The following KCNIP4 variants were observed in gnomAD, a reference collection of about 807,000 sequenced individuals.
The protein encoded by KCNIP4 is potassium voltage-gated channel interacting protein 4.
Under a neutral mutation model 34.0 loss-of-function variants are expected in KCNIP4, and 12 were observed. The ratio of observed to expected loss-of-function variants is 0.35; its 90% CI spans 0.23 to 0.57. The LOEUF is 0.57. Ranked by LOEUF, KCNIP4 falls within the 20% of genes least tolerant of loss-of-function variation. KCNIP4 has a pLI of 0.83. For synonymous variants in KCNIP4, 124 were observed against 102.2 expected (o/e 1.21, Z -1.29); for missense variants, 238 against 311.7 (o/e 0.76, Z 1.78).
At chr4:20,851,274 AC>A (rs2149483945) in intron 2 of KCNIP4, among the ~76,000 whole-genome samples, 1 of 152,314 alleles carries the variant, frequency 6.6e-6, no homozygotes, top group African/African-American at 2.4e-5. Flanking sequence ...ACAAGTGAGA[AC>A]ATGCAGTGTT....
At chr4:20,771,175 G>T (rs1004078014) in intron 3 of KCNIP4, among the ~76,000 whole-genome samples, 6 of 152,080 alleles carry the variant, frequency 3.9e-5, no homozygotes, top group African/African-American at 9.7e-5. Flanking sequence ...AGAGATGACT[G>T]CATGGAGATG....
intron 2 of KCNIP4, among the ~76,000 whole-genome samples, chr4:20,852,298 C>CCCACTTG (rs1365499846): frequency 6.6e-6 from 1 of 152,120 alleles, no homozygotes; most frequent in Non-Finnish European, 1.5e-5. Context: ...GGGTTTCAAA[C>CCCACTTG]CAGGAATGCA....
intron 1 of KCNIP4, among the ~76,000 whole-genome samples, chr4:21,103,674 G>T (rs573689622): frequency 2.0e-4 from 30 of 151,226 alleles, no homozygotes; most frequent in Non-Finnish European, 3.8e-4. Flanking sequence ...ATGCTAGTGT[G>T]CTGCACCAAT....
intron 3 of KCNIP4, among the ~76,000 whole-genome samples, chr4:20,761,908 A>C (rs1447730485): frequency 6.6e-6 from 1 of 152,140 alleles, no homozygotes; most frequent in Non-Finnish European, 1.5e-5. Context: ...TTACATCTCT[A>C]CAAACACATA....
intron 3 of KCNIP4, among the ~76,000 whole-genome samples, chr4:20,816,936 C>T (rs962523519): frequency 1.5e-4 from 23 of 152,148 alleles, no homozygotes; most frequent in Admixed American, 1.5e-3. Flanking sequence ...TACTTTTATA[C>T]AGAAACAAAA....
At position 20,783,192 on chromosome 4, in the gene KCNIP4, C is replaced by T. The variant is rs574659371; in HGVS notation, c.289-24302G>A. Among the ~76,000 whole-genome samples, 5 of 152,334 alleles carry T rather than the reference C, an allele frequency of 3.3e-5. No individual in the cohort carries two copies. In the East Asian group the frequency reaches 9.6e-4, roughly 29 times the overall value. On this transcript the variant is annotated intron_variant, in intron 3 of 8. Coordinates refer to ENST00000382152, the MANE Select transcript of KCNIP4 (RefSeq NM_025221.6). ...TTGGGCAAAGCCATTCAACAAGTCT[C>T]TAGGGATCTCCAAACTTTTCCACAT... is the stretch of plus-strand genomic sequence containing the variant.
intron 1 of KCNIP4, among the ~76,000 whole-genome samples, chr4:21,525,354 A>G (rs1341494124): frequency 6.6e-6 from 1 of 152,112 alleles, no homozygotes; most frequent in East Asian, 1.9e-4. Context: ...GTATTCTGTA[A>G]ACACATGTTG....
intron 1 of KCNIP4, among the ~76,000 whole-genome samples, chr4:21,821,933 A>C (rs1456479331): frequency 2.0e-5 from 3 of 152,134 alleles, no homozygotes; most frequent in Non-Finnish European, 4.4e-5. Context: ...ACATTTTTAC[A>C]ATGCTTTTCC....
At chr4:21,209,025 G>C (rs1377332578) in intron 1 of KCNIP4, among the ~76,000 whole-genome samples, 1 of 152,108 alleles carries the variant, frequency 6.6e-6, no homozygotes, top group Non-Finnish European at 1.5e-5. Flanking sequence ...TCCCATCCTT[G>C]ACACTCAGGG....
At chr4:20,786,174 C>T (rs1375164603) in intron 3 of KCNIP4, among the ~76,000 whole-genome samples, 1 of 152,086 alleles carries the variant, frequency 6.6e-6, no homozygotes. Flanking sequence ...GGACATTACC[C>T]TACGTAAACT....
intron 1 of KCNIP4, among the ~76,000 whole-genome samples, chr4:21,704,916 G>A (rs577320154): frequency 1.3e-5 from 2 of 152,138 alleles, no homozygotes; most frequent in Admixed American, 6.6e-5. Flanking sequence ...CCTGTACACG[G>A]ATGCTTATAG....
At chr4:21,621,158 C>T (rs966419789) in intron 1 of KCNIP4, among the ~76,000 whole-genome samples, 1 of 152,108 alleles carries the variant, frequency 6.6e-6, no homozygotes, top group Non-Finnish European at 1.5e-5. Context: ...AGTAGTAATG[C>T]TCCAACCAAA....
chr4:21,769,177 TA>T (rs112769483), intron 1 of KCNIP4, among the ~76,000 whole-genome samples: 22,542 of 151,758 alleles, frequency 0.15, 5,632 homozygotes, highest in African/African-American at 0.51. Context: ...TTAAGTATTT[TA>T]AAAAAAACTA....
intron 1 of KCNIP4, among the ~76,000 whole-genome samples, chr4:21,169,660 T>TTG (rs58544791): frequency 0.15 from 19,766 of 135,326 alleles, 1,517 homozygotes; most frequent in East Asian, 0.36. Context: ...TACTTTATAT[T>TTG]TGTGTGTGTG....
At chr4:21,725,274 C>T (rs1715106945) in intron 1 of KCNIP4, among the ~76,000 whole-genome samples, 1 of 152,160 alleles carries the variant, frequency 6.6e-6, no homozygotes, top group South Asian at 2.1e-4. Context: ...TTTTCTTAGA[C>T]TTCCTGTCAC....
chr4:21,067,354 C>T (rs909464210), intron 1 of KCNIP4, among the ~76,000 whole-genome samples: 2 of 151,886 alleles, frequency 1.3e-5, no homozygotes, highest in African/African-American at 4.8e-5. Flanking sequence ...GGGAGAGTCT[C>T]CTTCTGCCTG....
chr4:21,798,136 A>T (rs552742587), intron 1 of KCNIP4, among the ~76,000 whole-genome samples: 1 of 151,882 alleles, frequency 6.6e-6, no homozygotes, highest in East Asian at 1.9e-4. Flanking sequence ...AAAAAAAAAT[A>T]CGTACACACA....
In KCNIP4 at chr4:21,869,892, G is replaced by T. The variant is rs540884286; in HGVS notation, c.61+78679C>A. Among the ~76,000 whole-genome samples the T allele has an allele frequency of 2.2e-4, 34 of 152,226 alleles. No individual in the cohort carries two copies. The South Asian group carries it at 5.0e-3, about 22-fold the overall frequency. On this transcript the variant is annotated intron_variant, in intron 1 of 8. Transcript: ENST00000382152. ...AAGCCTGATGCCTGGCTTAGGCAAT[G>T]AGGTGTCTGAGAGATAACCAGCCAG...
chr4:21,504,508 G>GAAAGAAAGAAAGAAAGAAAGAAAGAAAGA (rs1392434479), intron 1 of KCNIP4, among the ~76,000 whole-genome samples: 8 of 121,696 alleles, frequency 6.6e-5, no homozygotes, highest in African/African-American at 2.4e-4. Context: ...AGAAAGAAAG[G>GAAAGAAAGAAAGAAAGAAAGAAAGAAAGA]AAGGAAGGAA....
Sources: gnomAD v4.1 joint callset for allele counts (sites outside exome capture counted in the v4.1 genomes callset) on GRCh38, gnomAD v4.1.1 for gene constraint, MANE v1.5 for transcripts, NCBI Gene and HGNC (gene_info 2026-07-23, HGNC 2026-07-21) for gene names.